Variants in YPEL2 observed in about 807,000 individuals in gnomAD.
The protein encoded by YPEL2 is protein yippee-like 2.
Under a neutral mutation model 19.1 loss-of-function variants are expected in YPEL2, and 2 were observed. That is an observed-to-expected ratio of 0.10 (90% CI 0.04 to 0.33). The LOEUF (loss-of-function observed/expected upper bound fraction) is 0.33, where lower values mean the gene tolerates loss of function less well. Ranked by LOEUF, YPEL2 falls within the 10% of genes least tolerant of loss-of-function variation. The pLI is 1.00. For missense variants in YPEL2, 66 were observed against 140.7 expected, an observed-to-expected ratio of 0.47 and a Z score of 2.68; for synonymous variants, 52 against 50.0, an observed-to-expected ratio of 1.04 and a Z score of -0.17.
At chr17:59,349,047 G>A (rs1021524671) in intron 1 of YPEL2, among the ~76,000 whole-genome samples, 3 of 151,256 alleles carry the variant, frequency 2.0e-5, no homozygotes, top group South Asian at 2.1e-4. Context: ...AGTGGCGGGC[G>A]CCTGTAGTCC....
chr17:59,344,767 A>T (rs2047747952), intron 1 of YPEL2, among the ~76,000 whole-genome samples: 1 of 152,172 alleles, frequency 6.6e-6, no homozygotes, highest in African/African-American at 2.4e-5. Context: ...CAAAAAAAAA[A>T]GTATTAGTGT....
chr17:59,348,588 CAT>C (rs915608091), intron 1 of YPEL2, among the ~76,000 whole-genome samples: 4 of 152,214 alleles, frequency 2.6e-5, no homozygotes, highest in Non-Finnish European at 5.9e-5. Flanking sequence ...TAATATCTCA[CAT>C]ATTTTCTTTC....
chr17:59,351,108 T>C (rs1484787530), intron 1 of YPEL2, among the ~76,000 whole-genome samples: 1 of 152,080 alleles, frequency 6.6e-6, no homozygotes, highest in Non-Finnish European at 1.5e-5. Context: ...GGTGCGGTGG[T>C]TCACACCTGT....
intron 2 of YPEL2, chr17:59,363,078 C>A (rs1385012037): frequency 6.6e-6 from 1 of 152,098 alleles, no homozygotes; most frequent in African/African-American, 2.4e-5. Flanking sequence ...AACAAACACA[C>A]AAGATGGAAA....
chr17:59,400,486 G>GTTTTTTTTTTTTTTTTT lies in YPEL2; in HGVS notation c.*3310_*3311insTTTTTTTTTTTTTTTTT, dbSNP rs3835025. 6.9e-6 allele frequency: 1 copy of GTTTTTTTTTTTTTTTTT among 145,478 alleles called. No individual in the cohort carries two copies. 9.0% of individuals were successfully genotyped at this position (145,478 alleles called of 1,614,324 possible). ...CAGTGATCACCAATACATGTTTTCA[G>GTTTTTTTTTTTTTTTTT]TTTTTTTTTTTTTTAAGGTCTCTAT... is the stretch of plus-strand genomic sequence containing the variant. On this transcript the variant is annotated 3_prime_UTR_variant, in exon 5 of 5. Transcript: ENST00000312655.
chr17:59,385,701 A>G (rs1259845948), intron 2 of YPEL2, among the ~76,000 whole-genome samples: 4 of 152,192 alleles, frequency 2.6e-5, no homozygotes, highest in Non-Finnish European at 5.9e-5. Flanking sequence ...TTTGGGTGTC[A>G]TGGGTAGTTT....
In YPEL2 at chr17:59,400,618, T is replaced by TG. The variant is rs1050743388; in HGVS notation, c.*3429dup. ...CAGGTTGAGAATTGAAATATTTTCT[T>TG]GCATCAGTATTGGCTAGAAAAGAAA... On this transcript the variant is annotated 3_prime_UTR_variant, in exon 5 of 5. Transcript: ENST00000312655. 22 of 152,614 alleles carry TG rather than the reference T, an allele frequency of 1.4e-4. No homozygotes were observed. The highest frequency in any genetic ancestry group is 3.6e-4 in the African/African-American group (15 of 41,452). 9.5% of individuals were successfully genotyped at this position (152,614 alleles called of 1,614,324 possible).
chr17:59,362,192 T>G (rs900156713), intron 2 of YPEL2, among the ~76,000 whole-genome samples: 11 of 152,064 alleles, frequency 7.2e-5, no homozygotes, highest in Admixed American at 2.0e-4. Context: ...TCCGAATGTG[T>G]TCCAGGTACA....
chr17:59,358,157 T>TC (rs1248821151), intron 2 of YPEL2, among the ~76,000 whole-genome samples: 6 of 152,268 alleles, frequency 3.9e-5, no homozygotes, highest in Admixed American at 6.5e-5. Context: ...CTCATACCCC[T>TC]CCACAGTGTT....
intron 2 of YPEL2, among the ~76,000 whole-genome samples, chr17:59,384,300 A>G (rs186965325): frequency 1.7e-4 from 26 of 152,346 alleles, no homozygotes; most frequent in African/African-American, 5.8e-4. Flanking sequence ...GTACAAGCAT[A>G]TCATTTTTTA....
At chr17:59,350,950 T>C (rs1313704487) in intron 1 of YPEL2, among the ~76,000 whole-genome samples, 4 of 152,202 alleles carry the variant, frequency 2.6e-5, no homozygotes, top group African/African-American at 7.2e-5. Flanking sequence ...CTGTGGACTC[T>C]AGCAGCATTT....
At chr17:59,349,920 A>G (rs568029541) in intron 1 of YPEL2, among the ~76,000 whole-genome samples, 1 of 152,164 alleles carries the variant, frequency 6.6e-6, no homozygotes, top group East Asian at 1.9e-4. Context: ...CAGCCTCCCA[A>G]AGTGCTGGGA....
At chr17:59,385,239 A>T (rs1000705214) in intron 2 of YPEL2, among the ~76,000 whole-genome samples, 7 of 152,236 alleles carry the variant, frequency 4.6e-5, no homozygotes, top group African/African-American at 1.4e-4. Flanking sequence ...TCAGACAAAC[A>T]CATATACACT....
chr17:59,352,435 G>A (rs1435092626), intron 1 of YPEL2, among the ~76,000 whole-genome samples: 3 of 152,218 alleles, frequency 2.0e-5, no homozygotes, highest in African/African-American at 7.2e-5. Context: ...TAGGAAAGAT[G>A]TATGGTCCTA....
chr17:59,351,321 G>C (rs2047786421), intron 1 of YPEL2, among the ~76,000 whole-genome samples: 1 of 152,088 alleles, frequency 6.6e-6, no homozygotes, highest in South Asian at 2.1e-4. Flanking sequence ...GTTGCCGTGA[G>C]CCGAGATCAT....
chr17:59,366,203 A>AG (rs1567746289), intron 2 of YPEL2: 1 of 154,070 alleles, frequency 6.5e-6, no homozygotes, highest in African/African-American at 2.4e-5. Flanking sequence ...ACCCTCCTGC[A>AG]GAGGGCCCTG....
intron 4 of YPEL2, among the ~76,000 whole-genome samples, chr17:59,392,660 G>A (rs1204797239): frequency 2.0e-5 from 3 of 151,966 alleles, no homozygotes; most frequent in Admixed American, 6.5e-5. Flanking sequence ...ACAGGTGTGC[G>A]CCACCACGCC....
intron 2 of YPEL2, among the ~76,000 whole-genome samples, chr17:59,387,257 TAA>T (rs373789547): frequency 0.021 from 1,646 of 77,500 alleles, 70 homozygotes; most frequent in African/African-American, 0.075. Flanking sequence ...AGACTCCATC[TAA>T]AAAAAAAAAA....
At chr17:59,378,398 G>A (rs1326194897) in intron 2 of YPEL2, among the ~76,000 whole-genome samples, 1 of 150,378 alleles carries the variant, frequency 6.6e-6, no homozygotes, top group Non-Finnish European at 1.5e-5. Context: ...AGGTTGGAGT[G>A]CAGTGGCGTG....
Sources: gnomAD v4.1 joint callset for allele counts (sites outside exome capture counted in the v4.1 genomes callset) on GRCh38, gnomAD v4.1.1 for gene constraint, MANE v1.5 for transcripts, NCBI Gene and HGNC (gene_info 2026-07-23, HGNC 2026-07-21) for gene names.